Variants in NPAS3 observed in about 807,000 individuals in gnomAD.
NPAS3 encodes the protein neuronal PAS domain-containing protein 3.
In NPAS3, 14 loss-of-function variants were observed where a neutral mutation model predicts 73.1. The ratio of observed to expected loss-of-function variants is 0.19; its 90% confidence interval spans 0.13 to 0.30. The LOEUF (loss-of-function observed/expected upper bound fraction) is 0.30. NPAS3 is among the 10% of genes least tolerant of loss of function. The probability of loss-of-function intolerance (pLI) is 1.00; values close to 1 mark genes in which losing one functional copy is unlikely to be tolerated. For synonymous variants in NPAS3, 620 were observed against 541.5 expected, an observed-to-expected ratio of 1.14 and a Z score of -2.01; for missense variants, 1,096 against 1,250.0, an observed-to-expected ratio of 0.88 and a Z score of 1.86.
chr14:33,587,837 A>T (rs913466644), intron 5 of NPAS3, among the ~76,000 whole-genome samples: 1 of 152,202 alleles, frequency 6.6e-6, no homozygotes, highest in Non-Finnish European at 1.5e-5. Context: ...TAAATCCCAC[A>T]GCTTCAACAG....
At chr14:33,592,925 C>A (rs1369543973) in intron 5 of NPAS3, among the ~76,000 whole-genome samples, 1 of 152,130 alleles carries the variant, frequency 6.6e-6, no homozygotes, top group Non-Finnish European at 1.5e-5. Context: ...TCACTCAGTG[C>A]TGTGAAAATT....
chr14:33,565,504 G>A (rs1272055967), intron 5 of NPAS3, among the ~76,000 whole-genome samples: 1 of 152,182 alleles, frequency 6.6e-6, no homozygotes, highest in African/African-American at 2.4e-5. Flanking sequence ...CTTTTCCAAA[G>A]TGCAAGGCTC....
At chr14:33,216,125 TA>T (rs766363541) in intron 3 of NPAS3, among the ~76,000 whole-genome samples, 7 of 152,156 alleles carry the variant, frequency 4.6e-5, no homozygotes, top group Non-Finnish European at 5.9e-5. Flanking sequence ...TTTATTTATG[TA>T]TATGTGGTGT....
intron 3 of NPAS3, among the ~76,000 whole-genome samples, chr14:33,253,670 A>G (rs1177416740): frequency 6.6e-6 from 1 of 151,896 alleles, no homozygotes; most frequent in Non-Finnish European, 1.5e-5. Flanking sequence ...AATGGACTTT[A>G]TGTCCCCCAT....
intron 2 of NPAS3, among the ~76,000 whole-genome samples, chr14:33,213,125 T>A (rs1398094607): frequency 6.6e-6 from 1 of 152,070 alleles, no homozygotes; most frequent in Non-Finnish European, 1.5e-5. Flanking sequence ...GTCCTTCAGT[T>A]CCTCCCAGTC....
At chr14:33,499,977 A>G (rs748012821) in intron 4 of NPAS3, among the ~76,000 whole-genome samples, 3 of 151,928 alleles carry the variant, frequency 2.0e-5, no homozygotes, top group Non-Finnish European at 2.9e-5. Flanking sequence ...GGAAGAAAAT[A>G]AAGGAATCAA....
intron 1 of NPAS3, among the ~76,000 whole-genome samples, chr14:33,054,984 CT>C (rs2040838276): frequency 6.6e-6 from 1 of 152,092 alleles, no homozygotes; most frequent in Admixed American, 6.5e-5. Flanking sequence ...TATTAAGTAT[CT>C]ACTGGCTTAG....
At chr14:33,097,761 T>C (rs571506353) in intron 2 of NPAS3, among the ~76,000 whole-genome samples, 2 of 152,354 alleles carry the variant, frequency 1.3e-5, no homozygotes, top group East Asian at 3.9e-4. Flanking sequence ...ACCAGTGAGG[T>C]TGAAAACATT....
intron 5 of NPAS3, among the ~76,000 whole-genome samples, chr14:33,599,155 G>A (rs77254081): frequency 6.6e-6 from 1 of 152,082 alleles, no homozygotes; most frequent in South Asian, 2.1e-4. Flanking sequence ...CCGTGTATCT[G>A]TCTGTTATGT....
At chr14:33,397,376 A>T (rs1303473) in intron 4 of NPAS3, among the ~76,000 whole-genome samples, 1 of 152,146 alleles carries the variant, frequency 6.6e-6, no homozygotes, top group African/African-American at 2.4e-5. Flanking sequence ...TATTTATATG[A>T]AGAAACTGAA....
chr14:33,065,570 T>A (rs1401179291), intron 2 of NPAS3, among the ~76,000 whole-genome samples: 1 of 152,096 alleles, frequency 6.6e-6, no homozygotes, highest in Non-Finnish European at 1.5e-5. Context: ...ACGTTGTGAT[T>A]CGTATATCAA....
intron 2 of NPAS3, among the ~76,000 whole-genome samples, chr14:33,209,139 A>T (rs1426894096): frequency 6.6e-6 from 1 of 152,158 alleles, no homozygotes; most frequent in African/African-American, 2.4e-5. Context: ...TGAAATTATT[A>T]TCTTTTTTGG....
At chr14:33,536,423 G>C (rs2054263915) in intron 4 of NPAS3, among the ~76,000 whole-genome samples, 1 of 152,174 alleles carries the variant, frequency 6.6e-6, no homozygotes, top group South Asian at 2.1e-4. Flanking sequence ...TGACTGTGCA[G>C]AGTGCTAGAT....
intron 2 of NPAS3, among the ~76,000 whole-genome samples, chr14:33,204,960 C>G (rs2139613465): frequency 6.6e-6 from 1 of 151,968 alleles, no homozygotes; most frequent in Admixed American, 6.6e-5. Context: ...AGCATCAAGG[C>G]ACTTCTCATG....
chr14:32,953,543 G>C (rs963110800), intron 1 of NPAS3, among the ~76,000 whole-genome samples: 2 of 152,100 alleles, frequency 1.3e-5, no homozygotes, highest in Admixed American at 6.5e-5. Flanking sequence ...CATTTTATCA[G>C]TTATTCGAGG....
chr14:33,102,068 G>A (rs1197397750), intron 2 of NPAS3, among the ~76,000 whole-genome samples: 1 of 152,060 alleles, frequency 6.6e-6, no homozygotes, highest in African/African-American at 2.4e-5. Context: ...CCACTACCAT[G>A]CCAGCTTAGG....
At chr14:33,084,857 T>C (rs2041970993) in intron 2 of NPAS3, among the ~76,000 whole-genome samples, 1 of 152,148 alleles carries the variant, frequency 6.6e-6, no homozygotes, top group Admixed American at 6.5e-5. Flanking sequence ...GAGAGCACAG[T>C]GTTTATTCCT....
intron 2 of NPAS3, among the ~76,000 whole-genome samples, chr14:33,138,451 C>A (rs2043922478): frequency 6.6e-6 from 1 of 152,064 alleles, no homozygotes; most frequent in Non-Finnish European, 1.5e-5. Context: ...TGGTTTAATT[C>A]TTCTTTGAGG....
chr14:32,937,288 C>A (rs997612244), upstream of NPAS3, among the ~76,000 whole-genome samples: 2 of 152,068 alleles, frequency 1.3e-5, no homozygotes, highest in African/African-American at 2.4e-5. Flanking sequence ...TGAATGGTGA[C>A]ATATCATTTT....
Sources: gnomAD v4.1 joint callset for allele counts (sites outside exome capture counted in the v4.1 genomes callset) on GRCh38, gnomAD v4.1.1 for gene constraint, MANE v1.5 for transcripts, NCBI Gene and HGNC (gene_info 2026-07-23, HGNC 2026-07-21) for gene names.